Variants in SEPTIN9 observed in about 807,000 individuals in gnomAD.
SEPTIN9 encodes the protein septin 9, also known as septin-9.
In SEPTIN9, 13 loss-of-function variants were observed where a neutral mutation model predicts 56.6. The observed-to-expected ratio is 0.23, with a 90% CI of 0.15 to 0.37. SEPTIN9 has a LOEUF of 0.37. Ranked by LOEUF, SEPTIN9 falls within the 10% of genes least tolerant of loss-of-function variation. The probability of loss-of-function intolerance (pLI) is 1.00; values close to 1 mark genes in which losing one functional copy is unlikely to be tolerated. For missense variants in SEPTIN9, 650 were observed against 823.1 expected (o/e 0.79, Z 2.57); for synonymous variants, 332 against 334.1 (o/e 0.99, Z 0.07).
intron 2 of SEPTIN9, among the ~76,000 whole-genome samples, chr17:77,399,965 G>A (rs1031211765): frequency 6.6e-6 from 1 of 152,042 alleles, no homozygotes; most frequent in African/African-American, 2.4e-5. Flanking sequence ...TTGGCCCTGC[G>A]GTGTTTTATT....
chr17:77,372,014 G>A (rs2034733768), intron 2 of SEPTIN9, among the ~76,000 whole-genome samples: 1 of 152,166 alleles, frequency 6.6e-6, no homozygotes, highest in Non-Finnish European at 1.5e-5. Context: ...AGAGGGGGTG[G>A]GGAGGGGCAA....
intron 3 of SEPTIN9, among the ~76,000 whole-genome samples, chr17:77,430,697 T>C (rs1316601299): frequency 1.3e-5 from 2 of 152,122 alleles, no homozygotes; most frequent in Non-Finnish European, 2.9e-5. Context: ...AGGTTAGAAG[T>C]GCTAAGAAGC....
Position 77,475,677 on chromosome 17 carries a change from C to T in SEPTIN9, c.722-6467C>T. ...GGCAAAGTAAGGAGACTGCTGGGCC[C>T]ACGCTGGGCCGGGGTGGATGGAGGC... On this transcript the variant is annotated intron_variant, in intron 3 of 11. Coordinates refer to ENST00000427177, the MANE Select transcript of SEPTIN9 (RefSeq NM_001113491.2). This position sits in a 1 kb window ranked among gnomAD's most constrained non-coding sequence, Gnocchi z 4.6. 1.2e-6 allele frequency: 2 copies of T among 1,613,732 alleles called. No homozygotes were observed. The highest frequency in any genetic ancestry group is 1.7e-6 in the Non-Finnish European group (2 of 1,179,842).
intron 2 of SEPTIN9, among the ~76,000 whole-genome samples, chr17:77,311,942 C>T (rs1258100001): frequency 6.6e-6 from 1 of 152,180 alleles, no homozygotes; most frequent in Admixed American, 6.5e-5. Flanking sequence ...CTCTATTTCT[C>T]TGATATCAGC....
chr17:77,484,680 GGGT>G (rs1377739401), intron 4 of SEPTIN9, among the ~76,000 whole-genome samples: 2 of 105,872 alleles, frequency 1.9e-5, no homozygotes, highest in East Asian at 3.3e-4. Flanking sequence ...GTGGTGATGT[GGGT>G]GGTGGTGGTG....
intron 3 of SEPTIN9, among the ~76,000 whole-genome samples, chr17:77,440,640 C>G (rs896110212): frequency 4.6e-5 from 7 of 152,244 alleles, no homozygotes; most frequent in Admixed American, 3.9e-4. Flanking sequence ...CTGCTGCCCA[C>G]GCTCCCACAG....
Position 77,369,224 on chromosome 17 carries a change from A to G in SEPTIN9, c.77-32835A>G, listed in dbSNP as rs960655251. Among the ~76,000 whole-genome samples, 2 of 152,136 alleles carry G rather than the reference A, an allele frequency of 1.3e-5. No homozygotes were observed. The highest frequency in any genetic ancestry group is 4.8e-5 in the African/African-American group (2 of 41,426). ...ACTCCAGACCGGGTGACAGAGTGAG[A>G]CCCTGTCAAAAAAGAAAAGAAAAGA... On this transcript the variant is annotated intron_variant, in intron 2 of 11. Transcript: ENST00000427177. The surrounding 1 kb of genome is among the most constrained non-coding windows in gnomAD (Gnocchi z 4.9).
At position 77,479,627 on chromosome 17, in the gene SEPTIN9, C is replaced by T. The variant is rs1029548552; in HGVS notation, c.722-2517C>T. 3.4e-4 allele frequency among the ~76,000 whole-genome samples: 52 copies of T among 152,208 alleles called. 1 individual carries two copies. The highest frequency in any genetic ancestry group is 1.2e-4 in the Non-Finnish European group (8 of 68,034). On this transcript the variant is annotated intron_variant, in intron 3 of 11. Transcript: ENST00000427177. ...ATGTTTGGTTTGATTTGAGTTTCTGCAGTGAGTGCTGGTGCCTGTGGAGGG... is the reference window on the plus strand; with the variant it reads ...ATGTTTGGTTTGATTTGAGTTTCTGTAGTGAGTGCTGGTGCCTGTGGAGGG...
At chr17:77,479,291 A>G (rs899455602) in intron 3 of SEPTIN9, among the ~76,000 whole-genome samples, 7 of 152,212 alleles carry the variant, frequency 4.6e-5, no homozygotes, top group Non-Finnish European at 8.8e-5. Flanking sequence ...TCTGAGCACC[A>G]TGGTGTCCTG....
chr17:77,422,736 C>T (rs995112849), intron 3 of SEPTIN9, among the ~76,000 whole-genome samples: 2 of 152,176 alleles, frequency 1.3e-5, no homozygotes, highest in African/African-American at 4.8e-5. Flanking sequence ...TTCTGTTCTG[C>T]CCCCTGGCTC....
At position 77,475,121 on chromosome 17, in the gene SEPTIN9, C is replaced by T. The variant is rs141869131; in HGVS notation, c.722-7023C>T. The stretch of plus-strand genomic sequence containing the variant: ...CACCAGACTTTTTGCCGGGGCTTGC[C>T]GTGAGCCCTACGCTGCTCTGAAGAA... On this transcript the variant is annotated intron_variant, in intron 3 of 11. Transcript: ENST00000427177. The surrounding 1 kb of genome is among the most constrained non-coding windows in gnomAD (Gnocchi z 4.6). 1.8e-5 allele frequency: 12 copies of T among 650,356 alleles called. No homozygotes were observed. The highest frequency in any genetic ancestry group is 6.7e-4 in the Middle Eastern group (1 of 1,486). 40.3% of individuals were successfully genotyped at this position (650,356 alleles called of 1,614,324 possible).
At chr17:77,298,164 CAT>C (rs1447076410) in intron 1 of SEPTIN9, among the ~76,000 whole-genome samples, 1 of 152,230 alleles carries the variant, frequency 6.6e-6, no homozygotes, top group Non-Finnish European at 1.5e-5. Flanking sequence ...TCTGGCTCAT[CAT>C]ATGCCTTCAG....
At chr17:77,467,732 C>G (rs1025999003) in intron 3 of SEPTIN9, among the ~76,000 whole-genome samples, 20 of 152,250 alleles carry the variant, frequency 1.3e-4, no homozygotes, top group African/African-American at 4.6e-4. Context: ...GGAAAGGACT[C>G]TGGCCAGCGC....
intron 3 of SEPTIN9, among the ~76,000 whole-genome samples, chr17:77,412,442 A>G (rs1056676072): frequency 2.6e-5 from 4 of 152,148 alleles, no homozygotes; most frequent in African/African-American, 9.7e-5. Flanking sequence ...TTTTTTAAAA[A>G]GAGTTCTTTG....
At chr17:77,284,114 G>A (rs865972717) in intron 1 of SEPTIN9, among the ~76,000 whole-genome samples, 20 of 152,076 alleles carry the variant, frequency 1.3e-4, no homozygotes, top group African/African-American at 4.6e-4. Flanking sequence ...GCTGAGACAC[G>A]AGGATCGCTT....
At chr17:77,354,570 G>GC (rs770174525) in intron 2 of SEPTIN9, among the ~76,000 whole-genome samples, 76 of 152,262 alleles carry the variant, frequency 5.0e-4, no homozygotes, top group Middle Eastern at 3.4e-3. Context: ...GGCTGCCGGA[G>GC]CCCCTCCTGC....
At chr17:77,467,224 G>A (rs1372036415) in intron 3 of SEPTIN9, among the ~76,000 whole-genome samples, 33 of 152,186 alleles carry the variant, frequency 2.2e-4, no homozygotes, top group South Asian at 2.1e-4. Context: ...TGTCTTCCAC[G>A]CGGTGCTTGG....
rs1349472034 is a variant in SEPTIN9 at position 77,329,065 on chromosome 17, G to GGGCC, written c.76+21869_76+21872dup. ...GTGGCTGGAGTGTGTTTTCAGAGAC[G>GGGCC]GGCCATGGTGACACCAATGCGACAG... On this transcript the variant is annotated intron_variant, in intron 2 of 11. Coordinates refer to ENST00000427177, the MANE Select transcript of SEPTIN9 (RefSeq NM_001113491.2). This position sits in a 1 kb window ranked among gnomAD's most constrained non-coding sequence, Gnocchi z 4.3. Among the ~76,000 whole-genome samples the GGGCC allele has an allele frequency of 4.6e-5, 7 of 152,184 alleles. No individual in the cohort carries two copies. Among genetic ancestry groups the GGGCC allele is most frequent in the Non-Finnish European group, 7.3e-5 (5 of 68,028 alleles).
chr17:77,481,142 C>G (rs538639533), intron 3 of SEPTIN9, among the ~76,000 whole-genome samples: 1 of 152,248 alleles, frequency 6.6e-6, no homozygotes, highest in East Asian at 1.9e-4. Context: ...GGGTCCTCAG[C>G]AGGCGTCTTC....
Sources: allele counts gnomAD v4.1 joint callset (sites outside exome capture counted in the v4.1 genomes callset), GRCh38; gene constraint gnomAD v4.1.1; non-coding constraint Gnocchi (gnomAD v3.1); transcripts MANE v1.5; gene names NCBI Gene and HGNC (gene_info 2026-07-23, HGNC 2026-07-21).